Variants in RIMKLB observed in about 807,000 individuals in gnomAD.
The protein encoded by RIMKLB is ribosomal modification protein rimK like family member B, also known as beta-citrylglutamate synthase B.
Under a neutral mutation model 32.0 loss-of-function variants are expected in RIMKLB, and 7 were observed. The ratio of observed to expected loss-of-function variants is 0.22; its 90% confidence interval spans 0.12 to 0.41. The LOEUF is 0.41. Ranked by LOEUF, RIMKLB falls within the 10% of genes least tolerant of loss-of-function variation. The pLI, the probability that RIMKLB is intolerant of heterozygous loss-of-function variation, is 1.00. For synonymous variants in RIMKLB, 172 were observed against 185.1 expected (o/e 0.93, Z 0.57); for missense variants, 289 against 498.7 (o/e 0.58, Z 4.00).
At chr12:8,765,087 C>T (rs1012467411) in intron 5 of RIMKLB, among the ~76,000 whole-genome samples, 8 of 151,728 alleles carry the variant, frequency 5.3e-5, no homozygotes, top group South Asian at 2.1e-4. Context: ...CTGCAGCTGA[C>T]TGAGTGATAA....
chr12:8,752,717 T>G (rs76306929), intron 4 of RIMKLB, among the ~76,000 whole-genome samples: 8,114 of 151,876 alleles, frequency 0.053, 573 homozygotes, highest in African/African-American at 0.16. Context: ...TTAGGTAGGT[T>G]GTTGTTGTTG....
At chr12:8,731,725 C>G (rs770009493) in intron 2 of RIMKLB, among the ~76,000 whole-genome samples, 1 of 152,160 alleles carries the variant, frequency 6.6e-6, no homozygotes, top group Non-Finnish European at 1.5e-5. Flanking sequence ...AGAATAGTCT[C>G]CTGTCATTTG....
rs1243121356 is a variant in RIMKLB, at chr12:8,775,753, T to TA, written c.*1970dup. On this transcript the variant is annotated 3_prime_UTR_variant, in exon 6 of 6. Transcript: ENST00000535829. ...AAAGGTTGATTGTTGATGAATAGAATAGTACCTCTCATCTGTGCAGTGTCT... is the reference window on the plus strand; with the variant it reads ...AAAGGTTGATTGTTGATGAATAGAATAAGTACCTCTCATCTGTGCAGTGTCT... 1 of 985,142 alleles carries TA rather than the reference T, an allele frequency of 1.0e-6. No individual in the cohort carries two copies. Among genetic ancestry groups the TA allele is most frequent in the Non-Finnish European group, 1.2e-6 (1 of 829,436 alleles). The allele number at this position is 985,142 out of a possible 1,614,324, so 61.0% of individuals were successfully genotyped here.
chr12:8,749,123 T>C (rs1183264747), intron 2 of RIMKLB, among the ~76,000 whole-genome samples: 1 of 152,202 alleles, frequency 6.6e-6, no homozygotes, highest in Admixed American at 6.5e-5. Flanking sequence ...GAGAATTGCA[T>C]AGGGCACAAT....
At chr12:8,677,656 A>C (rs907275455), upstream of RIMKLB, among the ~76,000 whole-genome samples, 25 of 152,162 alleles carry the variant, frequency 1.6e-4, no homozygotes, top group Non-Finnish European at 3.2e-4. Context: ...TAGGATGCGG[A>C]CGAAACTCCT....
chr12:8,728,187 A>C (rs1946212796), intron 2 of RIMKLB, among the ~76,000 whole-genome samples: 2 of 152,148 alleles, frequency 1.3e-5, no homozygotes, highest in African/African-American at 4.8e-5. Flanking sequence ...CCTATAAATC[A>C]CAGTCTTTTA....
In RIMKLB at chr12:8,685,453, T is replaced by TG. The variant is rs1347262826; in HGVS notation, n.219+3636dup. Among the ~76,000 whole-genome samples the TG allele has an allele frequency of 5.2e-4, 79 of 152,374 alleles. 1 individual carries two copies. Among genetic ancestry groups the TG allele is most frequent in the African/African-American group, 1.9e-3 (78 of 41,588 alleles). On this transcript the variant is annotated intron_variant and non_coding_transcript_variant, in intron 1 of 1. Transcript: ENST00000538758. ...TTCAGCATCTATTGGTATGATCATGTGATATTTCTTTAGTCTGTTGATGCG... is the reference window on the plus strand; with the variant it reads ...TTCAGCATCTATTGGTATGATCATGTGGATATTTCTTTAGTCTGTTGATGCG...
chr12:8,769,582 T>G (rs1273260823), intron 5 of RIMKLB, among the ~76,000 whole-genome samples: 1 of 152,190 alleles, frequency 6.6e-6, no homozygotes, highest in Non-Finnish European at 1.5e-5. Context: ...TTTTTCTTTT[T>G]CTTTTCTAAT....
chr12:8,755,826 G>A (rs1948979047), intron 5 of RIMKLB, among the ~76,000 whole-genome samples: 1 of 152,064 alleles, frequency 6.6e-6, no homozygotes, highest in Admixed American at 6.6e-5. Context: ...CTGGGCAATC[G>A]AGGGAGAGAC....
chr12:8,676,753 CT>C (rs1162121060), upstream of RIMKLB, among the ~76,000 whole-genome samples: 3 of 152,064 alleles, frequency 2.0e-5, no homozygotes, highest in Non-Finnish European at 4.4e-5. Flanking sequence ...AACTCTAAGT[CT>C]GAATATGCAA....
intron 5 of RIMKLB, among the ~76,000 whole-genome samples, chr12:8,757,626 C>G (rs1284982706): frequency 6.6e-6 from 1 of 152,164 alleles, no homozygotes; most frequent in Non-Finnish European, 1.5e-5. Context: ...TCCCCACATC[C>G]TGAACTTGGT....
intron 2 of RIMKLB, among the ~76,000 whole-genome samples, chr12:8,739,034 GC>G (rs1270932442): frequency 1.7e-4 from 26 of 152,306 alleles, no homozygotes; most frequent in African/African-American, 6.3e-4. Context: ...CTAGAAAAAT[GC>G]CTTTTCATTC....
the RIMKLB span, among the ~76,000 whole-genome samples, chr12:8,672,901 C>A: frequency 6.6e-6 from 1 of 152,134 alleles, no homozygotes; most frequent in Non-Finnish European, 1.5e-5. Context: ...GCCAATTAAA[C>A]CTCTTTTGTC....
the RIMKLB span, among the ~76,000 whole-genome samples, chr12:8,674,223 T>TTTTTTTTTTTTTTTTCC: frequency 1.9e-5 from 2 of 103,674 alleles, no homozygotes; most frequent in Non-Finnish European, 3.6e-5. Flanking sequence ...CTCACAATTC[T>TTTTTTTTTTTTTTTTCC]TTTTTTTTTT....
At chr12:8,719,790 C>A (rs1186082712) in intron 2 of RIMKLB, among the ~76,000 whole-genome samples, 1 of 152,074 alleles carries the variant, frequency 6.6e-6, no homozygotes, top group Non-Finnish European at 1.5e-5. Flanking sequence ...TATAGAAAAC[C>A]AAGTAAAAAT....
intron 5 of RIMKLB, among the ~76,000 whole-genome samples, chr12:8,754,860 G>A (rs139129024): frequency 1.1e-3 from 168 of 152,270 alleles, no homozygotes; most frequent in Non-Finnish European, 1.0e-3. Flanking sequence ...CAGGATCACA[G>A]CTCACTGCAG....
chr12:8,721,128 C>T (rs966776419), intron 2 of RIMKLB, among the ~76,000 whole-genome samples: 3 of 152,106 alleles, frequency 2.0e-5, no homozygotes, highest in Non-Finnish European at 4.4e-5. Flanking sequence ...ATAGGCACAC[C>T]TTGGAGATAC....
intron 1 of RIMKLB, among the ~76,000 whole-genome samples, chr12:8,686,903 G>A (rs1186304817): frequency 6.6e-6 from 1 of 152,196 alleles, no homozygotes; most frequent in African/African-American, 2.4e-5. Context: ...CAGCGATTAT[G>A]AACTTTAGTG....
upstream of RIMKLB, chr12:8,697,705 A>G (rs1454848929): frequency 6.7e-6 from 2 of 296,872 alleles, no homozygotes; most frequent in South Asian, 4.7e-5. Flanking sequence ...CGCGCGATCC[A>G]TCGCCTCTCT....
Sources: gnomAD v4.1 joint callset for allele counts (sites outside exome capture counted in the v4.1 genomes callset) on GRCh38, gnomAD v4.1.1 for gene constraint, MANE v1.5 for transcripts, NCBI Gene and HGNC (gene_info 2026-07-23, HGNC 2026-07-21) for gene names.